NEGR1: variants seen among roughly 807,000 people sequenced by gnomAD.
NEGR1 encodes the protein IgLON family member 4.
A neutral mutation model predicts 40.9 loss-of-function variants in NEGR1; 10 were observed. The ratio of observed to expected loss-of-function variants is 0.24; its 90% CI spans 0.15 to 0.42. NEGR1 has a LOEUF of 0.42. NEGR1 is among the 10% of genes least tolerant of loss of function. The probability of loss-of-function intolerance (pLI) is 1.00; values close to 1 mark genes in which losing one functional copy is unlikely to be tolerated. For synonymous variants in NEGR1, 185 were observed against 166.8 expected, an observed-to-expected ratio of 1.11 and a Z score of -0.84; for missense variants, 352 against 438.9, an observed-to-expected ratio of 0.80 and a Z score of 1.77.
chr1:71,800,058 T>C (rs1019861330), intron 2 of NEGR1, among the ~76,000 whole-genome samples: 4 of 152,198 alleles, frequency 2.6e-5, no homozygotes, highest in African/African-American at 9.7e-5. Context: ...CATGAGATGG[T>C]ACCCCATTGT....
intron 2 of NEGR1, among the ~76,000 whole-genome samples, chr1:71,870,163 A>T (rs1421096611): frequency 6.6e-6 from 1 of 152,116 alleles, no homozygotes; most frequent in Non-Finnish European, 1.5e-5. Context: ...TACAGGCGTG[A>T]GCCACCATGC....
At chr1:71,675,126 T>TATATATATATATATATATACACACAC (rs145354058) in intron 4 of NEGR1, among the ~76,000 whole-genome samples, 3 of 77,792 alleles carry the variant, frequency 3.9e-5, no homozygotes, top group African/African-American at 1.2e-4. Context: ...TATATATATA[T>TATATATATATATATATATACACACAC]ACACACACAC....
intron 2 of NEGR1, among the ~76,000 whole-genome samples, chr1:71,851,785 G>T (rs1009486682): frequency 2.6e-5 from 4 of 151,942 alleles, no homozygotes; most frequent in Admixed American, 6.6e-5. Context: ...ATGTAGTATA[G>T]TAAACAGTTT....
intron 1 of NEGR1, among the ~76,000 whole-genome samples, chr1:72,224,122 G>T (rs1654100231): frequency 6.6e-6 from 1 of 152,050 alleles, no homozygotes; most frequent in Non-Finnish European, 1.5e-5. Flanking sequence ...ATTGTATTCT[G>T]AAGTATACCA....
chr1:71,830,316 T>C (rs999759734), intron 2 of NEGR1, among the ~76,000 whole-genome samples: 1 of 151,926 alleles, frequency 6.6e-6, no homozygotes, highest in African/African-American at 2.4e-5. Flanking sequence ...GTGTTTTCTA[T>C]AAAAGGGGCT....
chr1:71,820,062 G>T (rs962544162), intron 2 of NEGR1, among the ~76,000 whole-genome samples: 6 of 152,044 alleles, frequency 3.9e-5, no homozygotes, highest in African/African-American at 1.2e-4. Context: ...ATGCGTCATT[G>T]TCAGAATCTA....
At chr1:71,484,220 C>T (rs17091269) in intron 6 of NEGR1, among the ~76,000 whole-genome samples, 31,603 of 151,520 alleles carry the variant, frequency 0.21, 3,829 homozygotes, top group East Asian at 0.39. Flanking sequence ...AAAGTGACTA[C>T]ATTCAGGCAC....
chr1:71,449,546 G>T lies in NEGR1; in HGVS notation c.941-41976C>A, dbSNP rs180968050. On this transcript the variant is annotated intron_variant, in intron 6 of 6. Transcript: ENST00000357731. ...GAACAATTACATAATGGCAGATAAA[G>T]ATAACTATAATTTCGTTTTGACAAT... Among the ~76,000 whole-genome samples the T allele has an allele frequency of 2.6e-5, 4 of 152,262 alleles. No individual in the cohort carries two copies. The South Asian group carries it at 8.3e-4, about 32-fold the overall frequency.
intron 2 of NEGR1, among the ~76,000 whole-genome samples, chr1:71,799,239 C>G (rs1052068476): frequency 9.2e-5 from 14 of 152,064 alleles, no homozygotes; most frequent in Admixed American, 2.6e-4. Context: ...ATTCACCTCC[C>G]TGTGTCCATG....
chr1:72,213,149 A>G (rs1159404699), intron 1 of NEGR1, among the ~76,000 whole-genome samples: 2 of 151,988 alleles, frequency 1.3e-5, no homozygotes, highest in African/African-American at 4.8e-5. Flanking sequence ...GAACTCAAGG[A>G]CATATAAAAT....
intron 5 of NEGR1, among the ~76,000 whole-genome samples, chr1:71,607,301 C>T (rs954990108): frequency 1.3e-5 from 2 of 152,224 alleles, no homozygotes; most frequent in African/African-American, 4.8e-5. Context: ...AGTGTTTGTA[C>T]ATGCAGTTTC....
At chr1:72,025,917 C>T (rs997508061) in intron 1 of NEGR1, among the ~76,000 whole-genome samples, 2 of 151,146 alleles carry the variant, frequency 1.3e-5, no homozygotes, top group East Asian at 1.9e-4. Context: ...CGAGATCATC[C>T]CGGCTAAAAC....
chr1:71,554,692 AC>A (rs1225268151), intron 6 of NEGR1, among the ~76,000 whole-genome samples: 1 of 151,502 alleles, frequency 6.6e-6, no homozygotes, highest in Non-Finnish European at 1.5e-5. Context: ...AAAAATTTGG[AC>A]ATTCTAGAAT....
At chr1:71,767,557 G>A (rs1470365850) in intron 3 of NEGR1, among the ~76,000 whole-genome samples, 1 of 152,144 alleles carries the variant, frequency 6.6e-6, no homozygotes, top group African/African-American at 2.4e-5. Flanking sequence ...TATTTTAAAG[G>A]GAAGCACAGC....
At chr1:71,763,678 G>T (rs143463595) in intron 3 of NEGR1, among the ~76,000 whole-genome samples, 2 of 152,028 alleles carry the variant, frequency 1.3e-5, no homozygotes, top group Admixed American at 1.3e-4. Context: ...ATTGGTGTGA[G>T]CTTTATGTTA....
At chr1:71,565,753 C>A (rs764203263) in intron 6 of NEGR1, among the ~76,000 whole-genome samples, 1 of 152,124 alleles carries the variant, frequency 6.6e-6, no homozygotes, top group East Asian at 1.9e-4. Context: ...TTGAGGGCAT[C>A]AGTGGAACCA....
At chr1:71,454,305 A>T (rs1403503301) in intron 6 of NEGR1, among the ~76,000 whole-genome samples, 2 of 151,622 alleles carry the variant, frequency 1.3e-5, no homozygotes, top group Non-Finnish European at 2.9e-5. Flanking sequence ...GACTTTGTCT[A>T]TTGTCATTAG....
At chr1:71,944,596 A>G (rs1193168922) in intron 1 of NEGR1, among the ~76,000 whole-genome samples, 1 of 152,200 alleles carries the variant, frequency 6.6e-6, no homozygotes, top group Admixed American at 6.5e-5. Flanking sequence ...GATATACGGA[A>G]AGGTTCTAAA....
At position 71,960,226 on chromosome 1, in the gene NEGR1, T is replaced by G. The variant is rs552352947; in HGVS notation, c.177-24915A>C. ...TGTTTACATAAATATTGAAGATATC[T>G]CACATACCTCTTTCAATCAAATTAT... On this transcript the variant is annotated intron_variant, in intron 1 of 6. Transcript: ENST00000357731. Among the ~76,000 whole-genome samples the G allele has an allele frequency of 2.6e-5, 4 of 152,294 alleles. No homozygotes were observed. The East Asian group carries it at 7.7e-4, about 29-fold the overall frequency.
Sources: gnomAD v4.1 joint callset for allele counts (sites outside exome capture counted in the v4.1 genomes callset) on GRCh38, gnomAD v4.1.1 for gene constraint, MANE v1.5 for transcripts, NCBI Gene and HGNC (gene_info 2026-07-23, HGNC 2026-07-21) for gene names.